GDAP1L1: variants seen among roughly 807,000 people sequenced by gnomAD.
GDAP1L1 encodes ganglioside induced differentiation associated protein 1 like 1, also known as ganglioside-induced differentiation-associated protein 1-like 1.
In GDAP1L1, 21 loss-of-function variants were observed where a neutral mutation model predicts 37.1. The observed-to-expected ratio is 0.57, with a 90% CI of 0.40 to 0.81. The LOEUF (loss-of-function observed/expected upper bound fraction) is 0.81. GDAP1L1 is among the 40% of genes least tolerant of loss of function. GDAP1L1 has a pLI of 0.00. For missense variants in GDAP1L1, 362 were observed against 491.6 expected (o/e 0.74, Z 2.49); for synonymous variants, 193 against 209.1 (o/e 0.92, Z 0.67).
At chr20:44,264,973 A>C (rs2073738852) in intron 5 of GDAP1L1, 1 of 985,246 alleles carries the variant, frequency 1.0e-6, no homozygotes, top group African/African-American at 1.7e-5. Flanking sequence ...CGATGGGTCC[A>C]GTGTTGTTTC....
chr20:44,250,054 C>A (rs994740158), intron 1 of GDAP1L1, among the ~76,000 whole-genome samples: 1 of 152,182 alleles, frequency 6.6e-6, no homozygotes, highest in Non-Finnish European at 1.5e-5. Context: ...TCCTGAAGGG[C>A]CTTAATTATA....
intron 5 of GDAP1L1, among the ~76,000 whole-genome samples, chr20:44,275,859 C>G (rs761333332): frequency 3.6e-4 from 54 of 152,090 alleles, no homozygotes; most frequent in Non-Finnish European, 6.6e-4. Context: ...TTCTTAATCC[C>G]AAATGCAATA....
intron 5 of GDAP1L1, chr20:44,265,194 T>C (rs2073742051): frequency 1.0e-6 from 1 of 985,282 alleles, no homozygotes; most frequent in East Asian, 1.1e-4. Flanking sequence ...CAGACTCTCG[T>C]TGACCTTGAC....
At chr20:44,276,582 T>C (rs189134977) in intron 5 of GDAP1L1, among the ~76,000 whole-genome samples, 111 of 152,296 alleles carry the variant, frequency 7.3e-4, no homozygotes, top group Middle Eastern at 3.4e-3. Flanking sequence ...TGCATTTGTT[T>C]TGTTTTTGTT....
rs1420710401 is a variant in GDAP1L1 at position 44,272,349 on chromosome 20, C to T, written c.761-6608C>T. Among the ~76,000 whole-genome samples, 4 of 152,106 alleles carry T rather than the reference C, an allele frequency of 2.6e-5. No individual in the cohort carries two copies. In the South Asian group the frequency reaches 6.2e-4, roughly 24 times the overall value. On this transcript the variant is annotated intron_variant, in intron 5 of 5. Coordinates refer to ENST00000342560, the MANE Select transcript of GDAP1L1 (RefSeq NM_024034.6). ...GAGTGTGGGCTTTCATCTCTGAAAG[C>T]TGCTATCTTCTGAACGAACCATGAG...
chr20:44,275,123 G>A (rs1378788897), intron 5 of GDAP1L1, among the ~76,000 whole-genome samples: 1 of 152,162 alleles, frequency 6.6e-6, no homozygotes, highest in East Asian at 1.9e-4. Context: ...TCAAACTCCT[G>A]TGCTCAAGCA....
intron 4 of GDAP1L1, among the ~76,000 whole-genome samples, chr20:44,263,584 C>T (rs887319608): frequency 1.3e-5 from 2 of 152,234 alleles, no homozygotes; most frequent in African/African-American, 4.8e-5. Flanking sequence ...TGGCTCACTC[C>T]TGTAATCCCA....
Position 44,248,607 on chromosome 20 carries a change from G to A in GDAP1L1, c.180+1093G>A, listed in dbSNP as rs116377349. 5.3e-3 allele frequency among the ~76,000 whole-genome samples: 806 copies of A among 152,346 alleles called. 6 individuals carry two copies. Among genetic ancestry groups the A allele is most frequent in the African/African-American group, 0.019 (775 of 41,584 alleles). ...CTTCCAATCCCAACCCCTTCTCAGG[G>A]TTGCTGATATGGTTGTTGAAGAAGG... On this transcript the variant is annotated intron_variant, in intron 1 of 5. Transcript: ENST00000342560.
intron 3 of GDAP1L1, among the ~76,000 whole-genome samples, chr20:44,262,964 C>T (rs1397473404): frequency 6.6e-6 from 1 of 152,080 alleles, no homozygotes; most frequent in East Asian, 1.9e-4. Flanking sequence ...CTCACCTCAG[C>T]CTCCCAAAGT....
At chr20:44,252,468 C>T (rs972165736) in intron 1 of GDAP1L1, among the ~76,000 whole-genome samples, 2 of 152,110 alleles carry the variant, frequency 1.3e-5, no homozygotes, top group South Asian at 2.1e-4. Context: ...GGTGAAATCC[C>T]GTCTCTACTA....
Position 44,279,535 on chromosome 20 carries a change from G to GA in GDAP1L1, c.*241dup, listed in dbSNP as rs773363915. The stretch of plus-strand genomic sequence containing the variant: ...AGAGAGAGGAAGCGAGAGAGAGAGA[G>GA]AAAAAACAAAAAACAGAAAACACGA... On this transcript the variant is annotated 3_prime_UTR_variant, in exon 6 of 6. Coordinates refer to ENST00000342560, the MANE Select transcript of GDAP1L1 (RefSeq NM_024034.6). 8 of 676,258 alleles carry GA rather than the reference G, an allele frequency of 1.2e-5. No homozygotes were observed. Among genetic ancestry groups the GA allele is most frequent in the Admixed American group, 2.1e-5 (1 of 48,710 alleles). 41.9% of individuals were successfully genotyped at this position (676,258 alleles called of 1,614,324 possible).
At chr20:44,260,930 C>A (rs1365219886) in intron 3 of GDAP1L1, among the ~76,000 whole-genome samples, 1 of 152,158 alleles carries the variant, frequency 6.6e-6, no homozygotes, top group Non-Finnish European at 1.5e-5. Context: ...GAAGAATGAA[C>A]GGGGTAGGCC....
At chr20:44,259,125 G>A (rs909571499) in intron 3 of GDAP1L1, among the ~76,000 whole-genome samples, 2 of 152,204 alleles carry the variant, frequency 1.3e-5, no homozygotes, top group African/African-American at 2.4e-5. Flanking sequence ...GATGTGGCAA[G>A]GCCCCCAGTG....
chr20:44,272,029 TCAGTC>T lies in GDAP1L1; in HGVS notation c.761-6925_761-6921del, dbSNP rs200264439. On this transcript the variant is annotated intron_variant, in intron 5 of 5. Transcript: ENST00000342560. ...ACTCGCAGAGAGGAGCTGAGGGAAG[TCAGTC>T]CAACATCACTGTTGCTCTCCCTCCT... Among the ~76,000 whole-genome samples, 1,043 of 152,200 alleles carry T rather than the reference TCAGTC, an allele frequency of 6.9e-3. 9 individuals are homozygous for T. Among genetic ancestry groups the T allele is most frequent in the Non-Finnish European group, 0.011 (744 of 68,008 alleles).
Position 44,257,285 on chromosome 20 carries a change from GACA to G in GDAP1L1, c.317_319del (p.Asn106del). 6.2e-7 allele frequency: 1 copy of G among 1,613,988 alleles called. No homozygotes were observed. The highest frequency in any genetic ancestry group is 1.1e-5 in the South Asian group (1 of 91,060). On this transcript the variant is annotated inframe_deletion, in exon 2 of 6. Transcript: ENST00000342560. ...GGAGGTGCCCGTCATCATCCACCGC[GACA>G]ACATCATCAGTGACTATGACCAGAT...
chr20:44,262,655 G>T (rs1391381990), intron 3 of GDAP1L1, among the ~76,000 whole-genome samples: 1 of 145,452 alleles, frequency 6.9e-6, no homozygotes, highest in African/African-American at 2.6e-5. Context: ...CTGTACCATA[G>T]AGTTTATTTT....
chr20:44,259,492 ATTTTT>A (rs11481104), intron 3 of GDAP1L1, among the ~76,000 whole-genome samples: 1 of 132,512 alleles, frequency 7.5e-6, no homozygotes, highest in Non-Finnish European at 1.6e-5. Context: ...AAGACTCAGA[ATTTTT>A]TTTTTTTTTT....
chr20:44,255,371 A>G (rs1251125026), intron 1 of GDAP1L1, among the ~76,000 whole-genome samples: 8 of 151,682 alleles, frequency 5.3e-5, no homozygotes, highest in Admixed American at 5.3e-4. Context: ...GTGAAACCCC[A>G]TCTCTACTAA....
intron 1 of GDAP1L1, among the ~76,000 whole-genome samples, chr20:44,253,815 C>G (rs184047518): frequency 3.3e-5 from 5 of 152,242 alleles, no homozygotes; most frequent in Non-Finnish European, 5.9e-5. Context: ...GGCCGCCTGC[C>G]AGGGTGACCC....
Sources: gnomAD v4.1 joint callset for allele counts (sites outside exome capture counted in the v4.1 genomes callset) on GRCh38, gnomAD v4.1.1 for gene constraint, MANE v1.5 for transcripts, NCBI Gene and HGNC (gene_info 2026-07-23, HGNC 2026-07-21) for gene names.